Variants in SLC29A4 observed in about 807,000 individuals in gnomAD.
SLC29A4 encodes equilibrative nucleoside transporter 4.
SLC29A4 carries 36 observed loss-of-function variants against 43.9 expected under a neutral mutation model. The observed-to-expected ratio is 0.82, with a 90% CI of 0.63 to 1.08. The LOEUF (loss-of-function observed/expected upper bound fraction) is 1.08. SLC29A4 is among the 50% of genes least tolerant of loss of function. The pLI, the probability that SLC29A4 is intolerant of heterozygous loss-of-function variation, is 0.00. For synonymous variants in SLC29A4, 491 were observed against 338.0 expected, an observed-to-expected ratio of 1.45 and a Z score of -4.97; for missense variants, 869 against 755.3, an observed-to-expected ratio of 1.15 and a Z score of -1.77.
chr7:5,298,659 G>A (rs900868188), intron 7 of SLC29A4, among the ~76,000 whole-genome samples: 55 of 152,166 alleles, frequency 3.6e-4, no homozygotes, highest in African/African-American at 1.2e-3. Context: ...AGATTGGCCT[G>A]GGTGATGGCG....
chr7:5,289,571 C>T lies in SLC29A4; in HGVS notation c.170-1161C>T, dbSNP rs184252432. Among the ~76,000 whole-genome samples, 127 of 152,170 alleles carry T rather than the reference C, an allele frequency of 8.3e-4. 1 individual carries two copies. The highest frequency in any genetic ancestry group is 3.0e-3 in the African/African-American group (125 of 41,502). On this transcript the variant is annotated intron_variant, in intron 2 of 10. Transcript: ENST00000396872. The stretch of plus-strand genomic sequence containing the variant: ...GTCAGACCCACCCAGGGTAATTTCC[C>T]TTTTGATAAAGTTAATGGAGAAGGG...
chr7:5,286,724 A>G lies in SLC29A4; in HGVS notation c.-8-1085A>G, dbSNP rs540178095. 5.3e-5 allele frequency among the ~76,000 whole-genome samples: 8 copies of G among 152,224 alleles called. 1 individual carries two copies. The highest frequency in any genetic ancestry group is 1.4e-4 in the African/African-American group (6 of 41,532). On this transcript the variant is annotated intron_variant, in intron 1 of 10. Coordinates refer to ENST00000396872, the MANE Select transcript of SLC29A4 (RefSeq NM_153247.4). ...AAGACCACAGGAAGAACTTCCCGCCATAAGGGTGGTTGGCCCCAGGACCAA... is the reference window on the plus strand; with the variant it reads ...AAGACCACAGGAAGAACTTCCCGCCGTAAGGGTGGTTGGCCCCAGGACCAA...
Position 5,299,115 on chromosome 7 carries a change from C to G in SLC29A4, c.1010C>G (p.Pro337Arg). The change falls in exon 8 of 11, where the codon CCC (proline) becomes CGC (arginine). Residue 337 changes from proline to arginine, a missense_variant. By Grantham distance (103) the Pro-to-Arg change is moderately radical. Transcript: ENST00000396872. ...CGGCCAAGGGTCCAGCGCAGCTGGCCCACCTTCAGAGGTGAGTGCGGGGAG... is the reference window on the plus strand; with the variant it reads ...CGGCCAAGGGTCCAGCGCAGCTGGCGCACCTTCAGAGGTGAGTGCGGGGAG... ...VPRPRVQRSW[P>R]TFRALLLHRY... 6.2e-7 allele frequency: 1 copy of G among 1,610,304 alleles called. No homozygotes were observed. Among genetic ancestry groups the G allele is most frequent in the Non-Finnish European group, 8.5e-7 (1 of 1,179,038 alleles).
intron 2 of SLC29A4, among the ~76,000 whole-genome samples, chr7:5,290,355 G>A (rs1233686473): frequency 6.6e-6 from 1 of 151,772 alleles, no homozygotes; most frequent in Non-Finnish European, 1.5e-5. Context: ...GAGCCACGGC[G>A]CCTGGCCATT....
chr7:5,297,984 A>G (rs1268578687), intron 7 of SLC29A4, among the ~76,000 whole-genome samples: 1 of 152,164 alleles, frequency 6.6e-6, no homozygotes, highest in Non-Finnish European at 1.5e-5. Flanking sequence ...GCAGCACTGC[A>G]CAGCCCCCCA....
In SLC29A4 at chr7:5,306,387, G is replaced by A. The variant is rs1033327958; in HGVS notation, c.*3448G>A. On this transcript the variant is annotated 3_prime_UTR_variant, in exon 11 of 11. Transcript: ENST00000396872. The stretch of plus-strand genomic sequence containing the variant: ...TTTTTGTATTTTTAGTAGAGACGGG[G>A]TTTCACCACATTGCTCAGGCTGGTC... The A allele has an allele frequency of 6.6e-6, 1 of 151,190 alleles. No individual in the cohort carries two copies. Among genetic ancestry groups the A allele is most frequent in the Non-Finnish European group, 1.5e-5 (1 of 67,876 alleles). The allele number at this position is 151,190 out of a possible 1,614,324, so 9.4% of individuals were successfully genotyped here.
chr7:5,295,075 A>G, intron 6 of SLC29A4, 141 bp downstream of exon 6: 1 of 741,578 alleles, frequency 1.3e-6, no homozygotes, highest in Non-Finnish European at 2.2e-6. Flanking sequence ...AGGGACAGTG[A>G]TCACCATCTT....
chr7:5,285,114 C>A (rs1360839713), intron 1 of SLC29A4, among the ~76,000 whole-genome samples: 2 of 152,306 alleles, frequency 1.3e-5, no homozygotes, highest in Admixed American at 1.3e-4. Context: ...GTCTCTAAGC[C>A]TTTGCTGACT....
Position 5,300,546 on chromosome 7 carries a change from A to G in SLC29A4, c.1334A>G (p.His445Arg). 6.2e-7 allele frequency: 1 copy of G among 1,611,928 alleles called. No individual in the cohort carries two copies. Among genetic ancestry groups the G allele is most frequent in the Non-Finnish European group, 8.5e-7 (1 of 1,179,670 alleles). Residue 445 changes from histidine (H) to arginine (R), a missense_variant, in exon 10 of 11, where the codon CAC becomes CGC. Coordinates refer to ENST00000396872, the MANE Select transcript of SLC29A4 (RefSeq NM_153247.4). ...VYPSGMPALR[H>R]PAWPCIFSLL... Reference sequence around the variant, plus strand: ...CCCAGCGGCATGCCCGCCCTCCGTCACCCCGCCTGGCCCTGCATCTTCTCA... The same window carrying G: ...CCCAGCGGCATGCCCGCCCTCCGTCGCCCCGCCTGGCCCTGCATCTTCTCA...
At chr7:5,286,789 A>G (rs1377370847) in intron 1 of SLC29A4, among the ~76,000 whole-genome samples, 1 of 152,190 alleles carries the variant, frequency 6.6e-6, no homozygotes, top group Non-Finnish European at 1.5e-5. Flanking sequence ...ACCTGGGTTG[A>G]GATCTGGGTT....
intron 1 of SLC29A4, among the ~76,000 whole-genome samples, chr7:5,285,246 C>A (rs1022007952): frequency 1.4e-4 from 21 of 152,186 alleles, no homozygotes; most frequent in African/African-American, 5.1e-4. Flanking sequence ...TGCTCTAAGC[C>A]CTGCTCGGCC....
At chr7:5,289,321 C>T (rs1443022564) in intron 2 of SLC29A4, among the ~76,000 whole-genome samples, 2 of 152,114 alleles carry the variant, frequency 1.3e-5, no homozygotes, top group East Asian at 1.9e-4. Flanking sequence ...CACTTGAGCC[C>T]AGGAGGGGGT....
intron 6 of SLC29A4, among the ~76,000 whole-genome samples, chr7:5,296,232 C>G (rs1191138217): frequency 6.6e-6 from 1 of 152,008 alleles, no homozygotes; most frequent in Non-Finnish European, 1.5e-5. Flanking sequence ...GCCCTCTGTT[C>G]CATTCCTTTC....
intron 4 of SLC29A4, 145 bp from the exon 5 acceptor site, chr7:5,291,548 C>A (rs1785310707): frequency 1.8e-6 from 2 of 1,138,186 alleles, no homozygotes; most frequent in South Asian, 1.6e-5. Context: ...CCAGGTGCCC[C>A]TGTTAGACTC....
rs1785945995 is a variant in SLC29A4 at position 5,299,117 on chromosome 7, A to G, written c.1012A>G (p.Thr338Ala). ...GCCAAGGGTCCAGCGCAGCTGGCCCACCTTCAGAGGTGAGTGCGGGGAGTC... is the reference window on the plus strand; with the variant it reads ...GCCAAGGGTCCAGCGCAGCTGGCCCGCCTTCAGAGGTGAGTGCGGGGAGTC... ...PRPRVQRSWP[T>A]FRALLLHRYV... Residue 338 changes from threonine (T) to alanine (A), a missense_variant, in exon 8 of 11, where the codon ACC (threonine) becomes GCC (alanine). Physicochemically the swap from Thr to Ala is moderately conservative, Grantham distance 58 (BLOSUM62 0). Coordinates refer to ENST00000396872, the MANE Select transcript of SLC29A4 (RefSeq NM_153247.4). The G allele has an allele frequency of 1.2e-6, 2 of 1,610,198 alleles. No homozygotes were observed. The highest frequency in any genetic ancestry group is 3.3e-5 in the Admixed American group (2 of 59,834).
chr7:5,302,615 C>T (rs762985926), intron 10 of SLC29A4, among the ~76,000 whole-genome samples, 182 bp from the exon 11 acceptor site: 7 of 152,126 alleles, frequency 4.6e-5, no homozygotes, highest in Non-Finnish European at 1.5e-5. Context: ...CAGATGGCCT[C>T]GGGAAGAAGG....
intron 2 of SLC29A4, among the ~76,000 whole-genome samples, chr7:5,289,646 C>G (rs1785178372): frequency 6.6e-6 from 1 of 152,096 alleles, no homozygotes; most frequent in African/African-American, 2.4e-5. Context: ...AGGGTTGGAA[C>G]TGGGGACTGT....
intron 10 of SLC29A4, among the ~76,000 whole-genome samples, chr7:5,301,464 G>A (rs1427228562): frequency 2.0e-5 from 3 of 152,118 alleles, no homozygotes; most frequent in African/African-American, 7.2e-5. Flanking sequence ...AAGGGAGATA[G>A]CCATGTGAGG....
At position 5,305,053 on chromosome 7, in the gene SLC29A4, T is replaced by C. The variant is rs1286146643; in HGVS notation, c.*2114T>C. The C allele has an allele frequency of 6.6e-6, 1 of 152,246 alleles. No homozygotes were observed. The highest frequency in any genetic ancestry group is 1.5e-5 in the Non-Finnish European group (1 of 68,068). 9.4% of individuals were successfully genotyped at this position (152,246 alleles called of 1,614,324 possible). On this transcript the variant is annotated 3_prime_UTR_variant, in exon 11 of 11. Coordinates refer to ENST00000396872, the MANE Select transcript of SLC29A4 (RefSeq NM_153247.4). Reference sequence around the variant, plus strand: ...CTGGTCTCAAAGTCTGGGCCTCAAGTGTTCCCCCTGCCTTGGCCTCCCAAA... The same window carrying C: ...CTGGTCTCAAAGTCTGGGCCTCAAGCGTTCCCCCTGCCTTGGCCTCCCAAA...
Sources: allele counts gnomAD v4.1 joint callset (sites outside exome capture counted in the v4.1 genomes callset), GRCh38; gene constraint gnomAD v4.1.1; transcripts MANE v1.5; gene names NCBI Gene and HGNC (gene_info 2026-07-23, HGNC 2026-07-21).